The following CREBBP variants were observed in gnomAD, a reference collection of about 807,000 sequenced individuals.
CREBBP encodes CREB binding lysine acetyltransferase.
CREBBP carries 19 observed loss-of-function variants against 265.0 expected under a neutral mutation model. The observed-to-expected ratio is 0.07, with a 90% confidence interval of 0.05 to 0.11. The LOEUF (loss-of-function observed/expected upper bound fraction) is 0.11. Among genes scored for constraint, CREBBP ranks in the 10% least tolerant of loss-of-function variants. The pLI, the probability that CREBBP is intolerant of heterozygous loss-of-function variation, is 1.00. For missense variants in CREBBP, 2,525 were observed against 3,219.0 expected (o/e 0.78, Z 5.22); for synonymous variants, 1,457 against 1,223.7 (o/e 1.19, Z -3.98).
rs2055470619 is a variant in CREBBP, at chr16:3,879,260, AC to A, written c.85+571del. 4.7e-5 allele frequency among the ~76,000 whole-genome samples: 6 copies of A among 126,840 alleles called. No homozygotes were observed. The East Asian group carries it at 7.0e-4, about 15-fold the overall frequency. 83.2% of individuals were successfully genotyped at this position (126,840 alleles called of 152,430 possible). On this transcript the variant is annotated intron_variant, in intron 1 of 30. Transcript: ENST00000262367. ...CACACACACACACACACACACACACACAAAACAAGGAGTTTTGAAAATAAGC... is the reference window on the plus strand; with the variant it reads ...CACACACACACACACACACACACACAAAAACAAGGAGTTTTGAAAATAAGC...
At chr16:3,773,969 A>G (rs1207242067) in intron 12 of CREBBP, 39 bp from the exon 13 acceptor site, 26 of 1,609,098 alleles carry the variant, frequency 1.6e-5, no homozygotes, top group Non-Finnish European at 2.0e-5. Flanking sequence ...GTAGTTCGGA[A>G]GCTGACGGCC....
In CREBBP at chr16:3,767,889, T is replaced by C. The variant is rs368183803; in HGVS notation, c.3081A>G (p.Gln1027=). Residue 1027 remains glutamine, a synonymous_variant, in exon 16 of 31, where the codon CAA becomes CAG. Transcript: ENST00000262367. ...PRSEMMEEDL[Q]GASQVKEETD... ...TTTCTTCTTTAACTTGGGAAGCTCC[T>C]TGCAAATCCTCCTCCATCATCTTGA... is the stretch of plus-strand genomic sequence containing the variant. 6.2e-7 allele frequency: 1 copy of C among 1,614,128 alleles called. No homozygotes were observed. Among genetic ancestry groups the C allele is most frequent in the African/African-American group, 1.3e-5 (1 of 75,042 alleles).
At position 3,777,806 on chromosome 16, in the gene CREBBP, C is replaced by T. The variant is rs948043790; in HGVS notation, c.2114-149G>A. 161 of 1,095,200 alleles carry T rather than the reference C, an allele frequency of 1.5e-4. 2 individuals carry two copies. The Middle Eastern group carries it at 2.6e-3, about 18-fold the overall frequency. 67.8% of individuals were successfully genotyped at this position (1,095,200 alleles called of 1,614,324 possible). On this transcript the variant is annotated intron_variant, in intron 10 of 30. Coordinates refer to ENST00000262367, the MANE Select transcript of CREBBP (RefSeq NM_004380.3). ...AAAAGCACGTGTGTTCCAATGCCAG[C>T]GCACCCTGTAAAGGGCCTTCCCAAG...
chr16:3,745,134 G>T (rs2052310974), intron 22 of CREBBP, 143 bp downstream of exon 22: 2 of 949,536 alleles, frequency 2.1e-6, no homozygotes, highest in South Asian at 1.4e-5. Context: ...CAAACGCTTA[G>T]AACTTAAATT....
At chr16:3,765,776 T>C (rs1370906221) in intron 16 of CREBBP, among the ~76,000 whole-genome samples, 3 of 152,042 alleles carry the variant, frequency 2.0e-5, no homozygotes, top group Non-Finnish European at 4.4e-5. Flanking sequence ...ACCTCTCGAG[T>C]AGCTGCAGCT....
chr16:3,767,728 C>G lies in CREBBP; in HGVS notation c.3242G>C (p.Arg1081Pro), dbSNP rs780618828. 1 of 1,614,130 alleles carries G rather than the reference C, an allele frequency of 6.2e-7. No homozygotes were observed. The highest frequency in any genetic ancestry group is 8.5e-7 in the Non-Finnish European group (1 of 1,179,998). The change falls in exon 16 of 31, where the codon CGC (arginine) becomes CCC (proline). Residue 1081 changes from arginine (R) to proline (P), a missense_variant. Physicochemically the swap from Arg to Pro is moderately radical, Grantham distance 103 (BLOSUM62 -2). Coordinates refer to ENST00000262367, the MANE Select transcript of CREBBP (RefSeq NM_004380.3). ...ASQSTSPSQP[R>P]KKIFKPEELR... Reference sequence around the variant, plus strand: ...ATGAATAAATGGCCTACTTTTTTTGCGCGGCTGCGAAGGAGATGTTGACTG... The same window carrying G: ...ATGAATAAATGGCCTACTTTTTTTGGGCGGCTGCGAAGGAGATGTTGACTG...
chr16:3,808,958 C>T (rs530779162), intron 3 of CREBBP, among the ~76,000 whole-genome samples: 1 of 152,130 alleles, frequency 6.6e-6, no homozygotes, highest in African/African-American at 2.4e-5. Context: ...GTACCGTTCC[C>T]TGAACTTGAG....
intron 1 of CREBBP, among the ~76,000 whole-genome samples, chr16:3,871,530 G>C (rs1010007615): frequency 3.3e-5 from 5 of 152,146 alleles, no homozygotes; most frequent in Admixed American, 3.3e-4. Context: ...AATTTCTATA[G>C]CTCCTGAATG....
Position 3,726,078 on chromosome 16 carries a change from G to GT in CREBBP, c.*1639dup, listed in dbSNP as rs1175895719. ...CCCGAAGTGGGGGACCTTTCTCACT[G>GT]TAACAGGGACCGGAGCTGGTGCTCC... On this transcript the variant is annotated 3_prime_UTR_variant, in exon 31 of 31. Transcript: ENST00000262367. 3 of 233,224 alleles carry GT rather than the reference G, an allele frequency of 1.3e-5. No individual in the cohort carries two copies. The highest frequency in any genetic ancestry group is 2.5e-5 in the Non-Finnish European group (3 of 118,068). The allele number at this position is 233,224 out of a possible 1,614,324, so 14.4% of individuals were successfully genotyped here. A position where few individuals can be genotyped will look rare whatever the true frequency, so the allele number is the denominator to read the frequency against.
chr16:3,777,379 A>G (rs1280630513), intron 11 of CREBBP, among the ~76,000 whole-genome samples: 1 of 151,974 alleles, frequency 6.6e-6, no homozygotes, highest in East Asian at 1.9e-4. Context: ...TAAATAAATA[A>G]ATAAATAGCT....
At chr16:3,736,250 C>T (rs1340330786) in intron 27 of CREBBP, 47 bp from the exon 28 acceptor site, 6 of 1,582,422 alleles carry the variant, frequency 3.8e-6, no homozygotes, top group African/African-American at 1.3e-5. Context: ...TGCACGCGTG[C>T]CCCCCACCAT....
intron 27 of CREBBP, 46 bp from the exon 28 acceptor site, chr16:3,736,249 G>A (rs1555472983): frequency 6.3e-7 from 1 of 1,592,322 alleles, no homozygotes; most frequent in Non-Finnish European, 8.6e-7. Context: ...ATGCACGCGT[G>A]CCCCCCACCA....
chr16:3,826,755 T>G (rs2054244577), intron 2 of CREBBP, among the ~76,000 whole-genome samples: 1 of 152,106 alleles, frequency 6.6e-6, no homozygotes, highest in Admixed American at 6.5e-5. Context: ...ACAGGACGAT[T>G]AAAAGTAATG....
At chr16:3,810,565 C>T in intron 3 of CREBBP, 38 bp downstream of exon 3, 1 of 1,609,638 alleles carries the variant, frequency 6.2e-7, no homozygotes, top group Non-Finnish European at 8.5e-7. Flanking sequence ...ACAGCACCCA[C>T]CGGAGAGCCA....
chr16:3,821,930 C>T (rs539400062), intron 2 of CREBBP, among the ~76,000 whole-genome samples: 2 of 152,180 alleles, frequency 1.3e-5, no homozygotes, highest in East Asian at 1.9e-4. Flanking sequence ...CAGGTTTAGG[C>T]AGGAGAATCG....
intron 12 of CREBBP, among the ~76,000 whole-genome samples, chr16:3,774,226 A>G (rs916457707): frequency 6.6e-6 from 1 of 152,210 alleles, no homozygotes; most frequent in Non-Finnish European, 1.5e-5. Context: ...AGTTCTCTAA[A>G]GTGTTTAGAA....
intron 3 of CREBBP, among the ~76,000 whole-genome samples, chr16:3,808,275 C>G (rs1028084581): frequency 6.6e-6 from 1 of 152,206 alleles, no homozygotes; most frequent in African/African-American, 2.4e-5. Flanking sequence ...CTCCTAATTA[C>G]TCTCCAGTTC....
chr16:3,831,771 C>T (rs925599679), intron 2 of CREBBP, among the ~76,000 whole-genome samples: 3 of 151,954 alleles, frequency 2.0e-5, no homozygotes, highest in Admixed American at 6.6e-5. Flanking sequence ...CTGAGGCAGG[C>T]GGATCACTTG....
chr16:3,816,966 G>A (rs1219430181), intron 2 of CREBBP, among the ~76,000 whole-genome samples: 6 of 152,176 alleles, frequency 3.9e-5, no homozygotes, highest in Admixed American at 3.9e-4. Context: ...GCTGGAGGGG[G>A]CATCGGAAGA....
Sources: gnomAD v4.1 joint callset for allele counts (sites outside exome capture counted in the v4.1 genomes callset) on GRCh38, gnomAD v4.1.1 for gene constraint, MANE v1.5 for transcripts, NCBI Gene and HGNC (gene_info 2026-07-23, HGNC 2026-07-21) for gene names.